The following UEVLD variants were observed in gnomAD, a reference collection of about 807,000 sequenced individuals.
UEVLD encodes UEV and lactate/malate dehyrogenase domains.
In UEVLD, 47 loss-of-function variants were observed where a neutral mutation model predicts 58.6. The observed-to-expected ratio is 0.80, with a 90% CI of 0.63 to 1.02. UEVLD has a LOEUF of 1.02. Among genes scored for constraint, UEVLD ranks in the 50% least tolerant of loss-of-function variants. The pLI is 0.00. For synonymous variants in UEVLD, 197 were observed against 195.3 expected (o/e 1.01, Z -0.07); for missense variants, 510 against 550.6 (o/e 0.93, Z 0.74).
At chr11:18,588,104 A>G (rs1287551334) in intron 1 of UEVLD, among the ~76,000 whole-genome samples, 1 of 152,144 alleles carries the variant, frequency 6.6e-6, no homozygotes, top group Non-Finnish European at 1.5e-5. Context: ...GAGGAAGGGA[A>G]TACAAAAGCA....
chr11:18,537,966 C>A (rs748931038), intron 9 of UEVLD, among the ~76,000 whole-genome samples: 1 of 152,154 alleles, frequency 6.6e-6, no homozygotes, highest in Admixed American at 6.5e-5. Context: ...CCGAACTGCA[C>A]TTTAATATTA....
chr11:18,548,586 C>A (rs1016398572), intron 7 of UEVLD, among the ~76,000 whole-genome samples: 1 of 152,162 alleles, frequency 6.6e-6, no homozygotes, highest in Non-Finnish European at 1.5e-5. Context: ...TGCCACCACA[C>A]CCAGCTAATT....
intron 6 of UEVLD, among the ~76,000 whole-genome samples, chr11:18,558,611 C>T (rs1410941106): frequency 6.6e-6 from 1 of 151,848 alleles, no homozygotes; most frequent in Non-Finnish European, 1.5e-5. Flanking sequence ...TGGCGAAACC[C>T]CACCTCTACT....
intron 3 of UEVLD, among the ~76,000 whole-genome samples, chr11:18,572,570 A>G (rs1343571276): frequency 6.6e-6 from 1 of 152,120 alleles, no homozygotes; most frequent in Non-Finnish European, 1.5e-5. Context: ...TTCGGGAGGC[A>G]GAGGCGGGCG....
At chr11:18,585,932 G>A (rs1853533562) in intron 1 of UEVLD, among the ~76,000 whole-genome samples, 1 of 152,212 alleles carries the variant, frequency 6.6e-6, no homozygotes, top group Non-Finnish European at 1.5e-5. Context: ...ACCACACCCA[G>A]CCCTCATATC....
chr11:18,570,149 A>G, intron 4 of UEVLD, 65 bp downstream of exon 4: 1 of 1,436,124 alleles, frequency 7.0e-7, no homozygotes, highest in Non-Finnish European at 9.4e-7. Context: ...TTGTACCAGC[A>G]GAATCAATGA....
At chr11:18,534,135 A>G (rs1031983269) in intron 11 of UEVLD, among the ~76,000 whole-genome samples, 195 bp downstream of exon 11, 1 of 152,168 alleles carries the variant, frequency 6.6e-6, no homozygotes, top group African/African-American at 2.4e-5. Flanking sequence ...GGGTCTCACT[A>G]TGTTGCCCAA....
intron 8 of UEVLD, among the ~76,000 whole-genome samples, chr11:18,545,074 A>ATTTTTT (rs773948158): frequency 4.4e-4 from 37 of 84,548 alleles, no homozygotes; most frequent in South Asian, 6.5e-4. Context: ...CTATATCTAT[A>ATTTTTT]TTTTTTTTTT....
intron 6 of UEVLD, among the ~76,000 whole-genome samples, chr11:18,561,401 CA>C (rs1852025408): frequency 6.6e-6 from 1 of 151,144 alleles, no homozygotes; most frequent in African/African-American, 2.4e-5. Context: ...AGTTCCAGAC[CA>C]GCCTACCAAC....
chr11:18,568,918 G>A (rs1013367044), intron 4 of UEVLD, among the ~76,000 whole-genome samples: 8 of 151,042 alleles, frequency 5.3e-5, no homozygotes, highest in Non-Finnish European at 1.5e-5. Context: ...TTTTTGAGGC[G>A]GAGTCTCGCT....
rs765156441 is a variant in UEVLD, at chr11:18,558,329, C to A, written c.614G>T (p.Gly205Val). The change falls in exon 7 of 12, where the codon GGT becomes GTT. Residue 205 changes from glycine to valine, a missense_variant and splice_region_variant. By Grantham distance (109) the Gly-to-Val change is moderately radical. Coordinates refer to ENST00000396197, the MANE Select transcript of UEVLD (RefSeq NM_001040697.4). ...IACTLAISAK[G>V]IADRLVLLDL... ...TAAGAGGACAAGCCTGTCTGCAATA[C>A]CCTGTACAGTAAGAGAAAGAACATT... 12 of 1,597,732 alleles carry A rather than the reference C, an allele frequency of 7.5e-6. No individual in the cohort carries two copies. In the South Asian group the frequency reaches 1.2e-4, roughly 17 times the overall value.
chr11:18,570,604 G>T, intron 3 of UEVLD: 1 of 273,328 alleles, frequency 3.7e-6, no homozygotes, highest in Non-Finnish European at 6.9e-6. Context: ...AAATTAGCTG[G>T]GTGTGGTGGC....
intron 8 of UEVLD, 125 bp downstream of exon 8, chr11:18,546,755 T>C (rs1176820287): frequency 5.8e-6 from 6 of 1,029,406 alleles, no homozygotes; most frequent in Non-Finnish European, 6.9e-6. Flanking sequence ...CGCCTCAGAC[T>C]CCCAGTGTTG....
intron 8 of UEVLD, among the ~76,000 whole-genome samples, chr11:18,545,995 T>A (rs754561301): frequency 2.6e-5 from 4 of 152,148 alleles, no homozygotes; most frequent in Admixed American, 6.6e-5. Context: ...TCCAAAAGCA[T>A]GTCGAGAATT....
At chr11:18,552,797 T>C (rs1482679638) in intron 7 of UEVLD, among the ~76,000 whole-genome samples, 1 of 149,676 alleles carries the variant, frequency 6.7e-6, no homozygotes, top group Non-Finnish European at 1.5e-5. Context: ...GGAGGTGAAG[T>C]TTGCAGAGAG....
chr11:18,574,043 C>T (rs1852773386), intron 3 of UEVLD, among the ~76,000 whole-genome samples: 1 of 152,190 alleles, frequency 6.6e-6, no homozygotes. Flanking sequence ...ATCAAACTAA[C>T]TCCACTGTTC....
intron 6 of UEVLD, 59 bp from the exon 7 acceptor site, chr11:18,558,389 A>T: frequency 8.3e-7 from 1 of 1,200,554 alleles, no homozygotes; most frequent in Non-Finnish European, 1.2e-6. Context: ...ATTTAAATTC[A>T]TTCAACAATG....
intron 2 of UEVLD, among the ~76,000 whole-genome samples, chr11:18,576,564 TA>T (rs1275534267): frequency 5.3e-5 from 8 of 151,892 alleles, no homozygotes; most frequent in African/African-American, 1.7e-4. Flanking sequence ...TAAAATAAAA[TA>T]AAAATTATGG....
rs1421146863 is a variant in UEVLD at position 18,531,067 on chromosome 11, A to G, written c.*1253T>C. 1 of 152,170 alleles carries G rather than the reference A, an allele frequency of 6.6e-6. No individual in the cohort carries two copies. The highest frequency in any genetic ancestry group is 1.5e-5 in the Non-Finnish European group (1 of 68,022). 9.4% of individuals were successfully genotyped at this position (152,170 alleles called of 1,614,324 possible). A position where few individuals can be genotyped will look rare whatever the true frequency, so the allele number is the denominator to read the frequency against. ...AAAGCATGCCCTTACATGAGAATGA[A>G]AGTAATCCTTTCATGGTGTACAGGA... On this transcript the variant is annotated 3_prime_UTR_variant, in exon 12 of 12. Transcript: ENST00000396197.
Sources: allele counts gnomAD v4.1 joint callset (sites outside exome capture counted in the v4.1 genomes callset), GRCh38; gene constraint gnomAD v4.1.1; transcripts MANE v1.5; gene names NCBI Gene and HGNC (gene_info 2026-07-23, HGNC 2026-07-21).